TBCE: variants seen among roughly 807,000 people sequenced by gnomAD.
The protein encoded by TBCE is tubulin-specific chaperone E.
In TBCE, 53 loss-of-function variants were observed where a neutral mutation model predicts 77.0. That is an observed-to-expected ratio of 0.69 (90% CI 0.55 to 0.87). TBCE has a LOEUF of 0.87. TBCE is among the 40% of genes least tolerant of loss of function. The probability of loss-of-function intolerance (pLI) is 0.00; values close to 1 mark genes in which losing one functional copy is unlikely to be tolerated. For missense variants in TBCE, 624 were observed against 622.4 expected (o/e 1.00, Z -0.03); for synonymous variants, 235 against 241.3 (o/e 0.97, Z 0.24).
intron 15 of TBCE, 37 bp downstream of exon 15, chr1:235,442,948 A>T (rs752741900): frequency 1.5e-4 from 238 of 1,607,862 alleles, no homozygotes; most frequent in Non-Finnish European, 2.0e-4. Flanking sequence ...TTAAACTCTG[A>T]ATCATCGGCC....
At chr1:235,416,459 A>G (rs1039149433) in intron 4 of TBCE, among the ~76,000 whole-genome samples, 1 of 151,694 alleles carries the variant, frequency 6.6e-6, no homozygotes, top group Non-Finnish European at 1.5e-5. Flanking sequence ...CCAGAAGGTC[A>G]AGGCTGCAGT....
At chr1:235,395,056 G>A (rs1192554818) in intron 2 of TBCE, among the ~76,000 whole-genome samples, 4 of 152,092 alleles carry the variant, frequency 2.6e-5, no homozygotes, top group South Asian at 2.1e-4. Flanking sequence ...GATGTACCAC[G>A]GTTTATTCTT....
chr1:235,438,844 G>A lies in TBCE; in HGVS notation c.1192G>A (p.Gly398Arg), dbSNP rs777079730. 1.2e-6 allele frequency: 2 copies of A among 1,614,130 alleles called. No homozygotes were observed. Among genetic ancestry groups the A allele is most frequent in the Non-Finnish European group, 1.7e-6 (2 of 1,180,034 alleles). ...TGGAAATGAGTGGAAACAGGCTGGT[G>A]GACATAAGGATCCGGAAAAAAACAG... is the stretch of plus-strand genomic sequence containing the variant. Reference protein sequence around the residue: ...AFGNEWKQAGGHKDPEKNRLS... With the variant: ...AFGNEWKQAGRHKDPEKNRLS... Residue 398 changes from glycine to arginine, a missense_variant, in exon 13 of 17, where the codon GGA (glycine) becomes AGA (arginine). By Grantham distance (125) the Gly-to-Arg change is moderately radical. Coordinates refer to ENST00000642610, the MANE Select transcript of TBCE (RefSeq NM_003193.5).
chr1:235,445,945 T>G, intron 15 of TBCE, among the ~76,000 whole-genome samples: 1 of 152,196 alleles, frequency 6.6e-6, no homozygotes, highest in East Asian at 1.9e-4. Flanking sequence ...AGTCTAGAGC[T>G]GCGCTGTCCA....
At chr1:235,412,590 G>A (rs1175136246) in intron 3 of TBCE, among the ~76,000 whole-genome samples, 1 of 151,270 alleles carries the variant, frequency 6.6e-6, no homozygotes, top group Non-Finnish European at 1.5e-5. Flanking sequence ...AGGATTATAG[G>A]GGTGAGCTAC....
At chr1:235,443,094 A>G (rs558610356) in intron 15 of TBCE, 183 bp downstream of exon 15, 62 of 644,436 alleles carry the variant, frequency 9.6e-5, no homozygotes, top group African/African-American at 9.4e-4. Flanking sequence ...CATGCCCCCA[A>G]AAGTTCAGGT....
intron 5 of TBCE, among the ~76,000 whole-genome samples, chr1:235,424,695 G>C (rs1253312920): frequency 2.0e-5 from 3 of 151,944 alleles, no homozygotes; most frequent in Non-Finnish European, 2.9e-5. Flanking sequence ...AGTAGGGATG[G>C]GGTTTCTCCA....
At chr1:235,404,702 T>C (rs1480524316) in intron 3 of TBCE, among the ~76,000 whole-genome samples, 2 of 151,874 alleles carry the variant, frequency 1.3e-5, no homozygotes, top group African/African-American at 4.8e-5. Flanking sequence ...GGATTCTTGC[T>C]CTGTCACCCA....
At chr1:235,370,103 A>T (rs918785764) in intron 1 of TBCE, among the ~76,000 whole-genome samples, 4 of 152,128 alleles carry the variant, frequency 2.6e-5, no homozygotes, top group African/African-American at 9.7e-5. Flanking sequence ...TGCCATCTTT[A>T]ACATTTCCAT....
At chr1:235,414,131 C>T (rs188053175) in intron 3 of TBCE, 4 of 353,320 alleles carry the variant, frequency 1.1e-5, no homozygotes, top group African/African-American at 4.3e-5. Flanking sequence ...GCTGGGATTA[C>T]AGTCATGAGC....
At chr1:235,410,456 A>G (rs1679718691) in intron 3 of TBCE, among the ~76,000 whole-genome samples, 1 of 152,030 alleles carries the variant, frequency 6.6e-6, no homozygotes, top group Non-Finnish European at 1.5e-5. Context: ...GTGGGAGTGT[A>G]GCAGTGAGGA....
Position 235,448,657 on chromosome 1 carries a change from G to A in TBCE, c.1492-13G>A, listed in dbSNP as rs202244855. ...CTTAATCACATCCTTCCCCACCTTC[G>A]TTCTAATTTTAGAAGCCGGGCAGAG... On this transcript the variant is annotated splice_polypyrimidine_tract_variant and intron_variant, in intron 16 of 16. Transcript: ENST00000642610. The A allele has an allele frequency of 1.0e-4, 161 of 1,608,626 alleles. No individual in the cohort carries two copies. The highest frequency in any genetic ancestry group is 1.7e-4 in the Middle Eastern group (1 of 5,980).
At position 235,450,054 on chromosome 1, in the gene TBCE, AG is replaced by A. The variant is rs1682796190; in HGVS notation, c.*1293del. 1.1e-6 allele frequency: 1 copy of A among 887,626 alleles called. No homozygotes were observed. The highest frequency in any genetic ancestry group is 2.7e-5 in the Admixed American group (1 of 36,960). The allele number at this position is 887,626 out of a possible 1,614,324, so 55.0% of individuals were successfully genotyped here. A position where few individuals can be genotyped will look rare whatever the true frequency, so the allele number is the denominator to read the frequency against. Reference sequence around the variant, plus strand: ...TTTAAGGAAATTTGTGCAAACATTAAGAAACACCGCATTGGTTCTGGGTGAA... The same window carrying A: ...TTTAAGGAAATTTGTGCAAACATTAAAAACACCGCATTGGTTCTGGGTGAA... On this transcript the variant is annotated 3_prime_UTR_variant, in exon 17 of 17. Coordinates refer to ENST00000642610, the MANE Select transcript of TBCE (RefSeq NM_003193.5).
chr1:235,390,123 C>CAAAAA (rs756117658), intron 2 of TBCE, among the ~76,000 whole-genome samples: 69 of 128,800 alleles, frequency 5.4e-4, no homozygotes, highest in African/African-American at 1.8e-3. Flanking sequence ...AAGACTGTCT[C>CAAAAA]AAAAAAAAAA....
At chr1:235,424,566 C>A (rs1680595924) in intron 5 of TBCE, among the ~76,000 whole-genome samples, 1 of 151,380 alleles carries the variant, frequency 6.6e-6, no homozygotes, top group Non-Finnish European at 1.5e-5. Flanking sequence ...AGTGCAATGG[C>A]ATGATCTTGG....
At chr1:235,437,755 G>A (rs1009851184) in intron 12 of TBCE, among the ~76,000 whole-genome samples, 1 of 151,650 alleles carries the variant, frequency 6.6e-6, no homozygotes, top group African/African-American at 2.4e-5. Context: ...GGGAGGCCAA[G>A]GCTGCAGTGA....
chr1:235,405,320 CTT>C (rs34897905), intron 3 of TBCE, among the ~76,000 whole-genome samples: 95,058 of 140,832 alleles, frequency 0.67, 32,289 homozygotes, highest in African/African-American at 0.79. Context: ...TTACAATTAA[CTT>C]TTTTTTTTTT....
intron 1 of TBCE, among the ~76,000 whole-genome samples, chr1:235,369,491 G>A (rs1018148394): frequency 6.6e-6 from 1 of 150,558 alleles, no homozygotes; most frequent in Admixed American, 6.7e-5. Flanking sequence ...TGGCGATAGA[G>A]CAAGACTCTG....
At chr1:235,383,991 A>G (rs1677839633) in intron 2 of TBCE, among the ~76,000 whole-genome samples, 1 of 152,104 alleles carries the variant, frequency 6.6e-6, no homozygotes, top group Non-Finnish European at 1.5e-5. Context: ...GATATGTCCC[A>G]TCAATACCTA....
Sources: gnomAD v4.1 joint callset for allele counts (sites outside exome capture counted in the v4.1 genomes callset) on GRCh38, gnomAD v4.1.1 for gene constraint, MANE v1.5 for transcripts, NCBI Gene and HGNC (gene_info 2026-07-23, HGNC 2026-07-21) for gene names.